GSG1L: variants seen among roughly 807,000 people sequenced by gnomAD.
GSG1L encodes the protein germ cell-specific gene 1-like protein.
In GSG1L, 24 loss-of-function variants were observed where a neutral mutation model predicts 42.1. The observed-to-expected ratio is 0.57, with a 90% confidence interval of 0.41 to 0.80. The LOEUF is 0.80. Among genes scored for constraint, GSG1L ranks in the 30% least tolerant of loss-of-function variants. The pLI, the probability that GSG1L is intolerant of heterozygous loss-of-function variation, is 0.00. For synonymous variants in GSG1L, 215 were observed against 203.5 expected, an observed-to-expected ratio of 1.06 and a Z score of -0.48; for missense variants, 445 against 472.2, an observed-to-expected ratio of 0.94 and a Z score of 0.53.
chr16:27,979,734 A>AGAAAAAGG (rs1307082627), intron 1 of GSG1L, among the ~76,000 whole-genome samples: 1 of 66,722 alleles, frequency 1.5e-5, no homozygotes. Context: ...AAGGAAAGAA[A>AGAAAAAGG]AAGAAAGAAA....
chr16:27,787,659 A>G lies in GSG1L; in HGVS notation c.*3711T>C, dbSNP rs1013676032. ...CATAGCACTGATGTGCCCACTGTAC[A>G]TTTTTTTCTAATACACATTTACATA... On this transcript the variant is annotated 3_prime_UTR_variant, in exon 7 of 7. Transcript: ENST00000447459. 1 of 152,144 alleles carries G rather than the reference A, an allele frequency of 6.6e-6. No individual in the cohort carries two copies. The highest frequency in any genetic ancestry group is 2.4e-5 in the African/African-American group (1 of 41,422). The allele number at this position is 152,144 out of a possible 1,614,324, so 9.4% of individuals were successfully genotyped here.
At chr16:27,892,685 G>A (rs1269893793) in intron 2 of GSG1L, among the ~76,000 whole-genome samples, 1 of 151,890 alleles carries the variant, frequency 6.6e-6, no homozygotes, top group Non-Finnish European at 1.5e-5. Flanking sequence ...AGCTACTCGG[G>A]AGGCTGAGGC....
chr16:28,007,537 G>T (rs546198117), intron 1 of GSG1L, among the ~76,000 whole-genome samples: 5 of 152,122 alleles, frequency 3.3e-5, no homozygotes, highest in Non-Finnish European at 7.4e-5. Context: ...TTTTGAGACA[G>T]GATCTTGCTC....
At chr16:27,915,283 G>A (rs2084440979) in intron 2 of GSG1L, among the ~76,000 whole-genome samples, 2 of 151,330 alleles carry the variant, frequency 1.3e-5, no homozygotes, top group South Asian at 4.2e-4. Flanking sequence ...GGAGGGAGGG[G>A]CAGGGTGGGG....
At chr16:28,009,500 A>G (rs75230964) in intron 1 of GSG1L, among the ~76,000 whole-genome samples, 6,458 of 152,346 alleles carry the variant, frequency 0.042, 428 homozygotes, top group African/African-American at 0.14. Flanking sequence ...ACGAGGGCAG[A>G]GTCCCTGTAT....
chr16:27,810,750 C>T (rs962871836), intron 5 of GSG1L, among the ~76,000 whole-genome samples: 112 of 151,564 alleles, frequency 7.4e-4, no homozygotes, highest in African/African-American at 2.6e-3. Flanking sequence ...TGCAGTGGTG[C>T]GATCTCAGCT....
intron 1 of GSG1L, among the ~76,000 whole-genome samples, chr16:28,046,674 C>T (rs1458107178): frequency 2.6e-5 from 4 of 152,064 alleles, no homozygotes; most frequent in South Asian, 2.1e-4. Flanking sequence ...TCTTCGTGGC[C>T]GTCTCTGCTT....
At chr16:27,841,308 G>A (rs1313224431) in intron 4 of GSG1L, among the ~76,000 whole-genome samples, 8 of 152,206 alleles carry the variant, frequency 5.3e-5, no homozygotes, top group Admixed American at 5.2e-4. Context: ...CAGTGGCCCA[G>A]CAGTGTATGT....
chr16:28,007,492 TTGG>T (rs2085655519), intron 1 of GSG1L, among the ~76,000 whole-genome samples: 1 of 88,530 alleles, frequency 1.1e-5, no homozygotes, highest in African/African-American at 7.5e-5. Context: ...GGTTGGTTGG[TTGG>T]TTGGTTGGTT....
In GSG1L at chr16:27,828,794, C is replaced by T; in HGVS notation, c.825G>A (p.Arg275=). 6.2e-7 allele frequency: 1 copy of T among 1,613,840 alleles called. No homozygotes were observed. The change falls in exon 5 of 7, where the codon CGG becomes CGA. Residue 275 remains arginine (R), a synonymous_variant. Coordinates refer to ENST00000447459, the MANE Select transcript of GSG1L (RefSeq NM_001109763.2). ...FIDPEAIKYF[R]ERMEKRDGSE... ...GTAACCCCCTGTGCACTGACCTCTC[C>T]CGGAAGTACTTGATGGCCTCAGGGT...
At chr16:27,841,219 G>T (rs891007783) in intron 4 of GSG1L, among the ~76,000 whole-genome samples, 1 of 152,098 alleles carries the variant, frequency 6.6e-6, no homozygotes, top group Non-Finnish European at 1.5e-5. Flanking sequence ...TCCCCGGCTG[G>T]TGAGGGGCAG....
At chr16:27,935,012 T>C (rs1402022767) in intron 2 of GSG1L, among the ~76,000 whole-genome samples, 1 of 152,184 alleles carries the variant, frequency 6.6e-6, no homozygotes, top group Non-Finnish European at 1.5e-5. Context: ...AGAAAACATG[T>C]GAACGCATAA....
At chr16:27,823,268 G>A (rs1442069439) in intron 5 of GSG1L, among the ~76,000 whole-genome samples, 1 of 152,124 alleles carries the variant, frequency 6.6e-6, no homozygotes, top group East Asian at 1.9e-4. Context: ...CTCCAATCCA[G>A]CAAACCCAAC....
At chr16:27,936,957 C>G (rs2141078693) in intron 2 of GSG1L, among the ~76,000 whole-genome samples, 1 of 152,334 alleles carries the variant, frequency 6.6e-6, no homozygotes, top group African/African-American at 2.4e-5. Context: ...CTGAACATAA[C>G]AGAAGAGCTC....
At position 27,832,411 on chromosome 16, in the gene GSG1L, C is replaced by T. The variant is rs554341113; in HGVS notation, c.663-3455G>A. ...ACCTCCCACAAATCCTGAAAGCCAC[C>T]TGTTCTTCATTTCAATAATTTTACC... On this transcript the variant is annotated intron_variant, in intron 4 of 6. Coordinates refer to ENST00000447459, the MANE Select transcript of GSG1L (RefSeq NM_001109763.2). Among the ~76,000 whole-genome samples, 7 of 152,308 alleles carry T rather than the reference C, an allele frequency of 4.6e-5. No homozygotes were observed. The East Asian group carries it at 1.3e-3, about 29-fold the overall frequency.
chr16:27,985,883 A>G (rs2085376051), intron 1 of GSG1L, among the ~76,000 whole-genome samples: 1 of 152,190 alleles, frequency 6.6e-6, no homozygotes, highest in East Asian at 1.9e-4. Flanking sequence ...AACACAGACT[A>G]ACACGACTCC....
At chr16:27,958,570 T>C (rs746616707) in intron 2 of GSG1L, among the ~76,000 whole-genome samples, 74 of 152,332 alleles carry the variant, frequency 4.9e-4, no homozygotes, top group Non-Finnish European at 6.8e-4. Flanking sequence ...TGTGTATGTA[T>C]ACATTTTTTT....
chr16:28,000,426 C>T (rs146724425), intron 1 of GSG1L, among the ~76,000 whole-genome samples: 5 of 152,312 alleles, frequency 3.3e-5, no homozygotes, highest in African/African-American at 1.2e-4. Context: ...TTCCTCTGGA[C>T]GATCCCCCAG....
At chr16:27,984,903 G>A (rs889940991) in intron 1 of GSG1L, among the ~76,000 whole-genome samples, 6 of 151,826 alleles carry the variant, frequency 4.0e-5, no homozygotes, top group East Asian at 1.9e-4. Context: ...GATTACAGGC[G>A]CGAGCCACCA....
Sources: allele counts gnomAD v4.1 joint callset (sites outside exome capture counted in the v4.1 genomes callset), GRCh38; gene constraint gnomAD v4.1.1; transcripts MANE v1.5; gene names NCBI Gene and HGNC (gene_info 2026-07-23, HGNC 2026-07-21).